Variants in ALMS1 observed in about 807,000 individuals in gnomAD.
The protein encoded by ALMS1 is ALMS1 centrosome and basal body associated protein.
ALMS1 carries 271 observed loss-of-function variants against 352.2 expected under a neutral mutation model. The ratio of observed to expected loss-of-function variants is 0.77; its 90% CI spans 0.70 to 0.85. ALMS1 has a LOEUF of 0.85. ALMS1 is among the 40% of genes least tolerant of loss of function. ALMS1 has a pLI of 0.00. For synonymous variants in ALMS1, 1,865 were observed against 1,761.2 expected (o/e 1.06, Z -1.48); for missense variants, 5,445 against 4,870.7 (o/e 1.12, Z -3.51).
chr2:73,431,353 AAG>A (rs1244307688), intron 6 of ALMS1, among the ~76,000 whole-genome samples: 1 of 152,218 alleles, frequency 6.6e-6, no homozygotes, highest in African/African-American at 2.4e-5. Context: ...AAATTGATGA[AAG>A]AGGATAGAAA....
At chr2:73,470,017 C>T (rs1037724416) in intron 9 of ALMS1, 10 of 151,746 alleles carry the variant, frequency 6.6e-5, no homozygotes, top group African/African-American at 1.9e-4. Flanking sequence ...AGAAGACATA[C>T]CTGAAATTAT....
intron 12 of ALMS1, among the ~76,000 whole-genome samples, chr2:73,548,004 A>T (rs1278322569): frequency 6.6e-6 from 1 of 152,168 alleles, no homozygotes; most frequent in Non-Finnish European, 1.5e-5. Flanking sequence ...GGCGTGAGCA[A>T]CTAGGTGAAT....
At chr2:73,484,689 C>T (rs934704084) in intron 9 of ALMS1, among the ~76,000 whole-genome samples, 46 of 152,120 alleles carry the variant, frequency 3.0e-4, no homozygotes, top group African/African-American at 1.1e-3. Flanking sequence ...TGGTTCCATT[C>T]TCCCCATCAC....
rs752609388 is a variant in ALMS1, at chr2:73,451,605, C to G, written c.5078C>G (p.Pro1693Arg). The G allele has an allele frequency of 6.2e-7, 1 of 1,613,920 alleles. No individual in the cohort carries two copies. Among genetic ancestry groups the G allele is most frequent in the Non-Finnish European group, 8.5e-7 (1 of 1,179,988 alleles). Residue 1693 changes from proline (P) to arginine (R), a missense_variant, in exon 8 of 23, where the codon CCT becomes CGT. By Grantham distance (103) the Pro-to-Arg change is moderately radical. Coordinates refer to ENST00000613296, the MANE Select transcript of ALMS1 (RefSeq NM_001378454.1). ...HLPEEALKVPPVPGPDAQKTE... is the reference protein window; with the variant it reads ...HLPEEALKVPRVPGPDAQKTE... ...CCTGAAGAAGCTCTGAAAGTTCCAC[C>G]TGTTCCTGGACCAGATGCCCAGAAG...
chr2:73,405,289 T>C (rs1158077815), intron 1 of ALMS1, among the ~76,000 whole-genome samples: 1 of 152,112 alleles, frequency 6.6e-6, no homozygotes, highest in Non-Finnish European at 1.5e-5. Flanking sequence ...GATTTTCTTA[T>C]TTTTTCATGT....
At chr2:73,391,483 C>T (rs947848843) in intron 1 of ALMS1, among the ~76,000 whole-genome samples, 6 of 151,526 alleles carry the variant, frequency 4.0e-5, no homozygotes, top group Non-Finnish European at 8.8e-5. Context: ...TTAGTAGAGA[C>T]GGGGTTTCAC....
chr2:73,477,712 A>G (rs1672610939), intron 9 of ALMS1, among the ~76,000 whole-genome samples: 1 of 152,146 alleles, frequency 6.6e-6, no homozygotes, highest in Non-Finnish European at 1.5e-5. Flanking sequence ...ATTCTCAAGT[A>G]TTTAATTCTT....
chr2:73,483,413 T>A (rs946549682), intron 9 of ALMS1, among the ~76,000 whole-genome samples: 21 of 152,028 alleles, frequency 1.4e-4, no homozygotes, highest in African/African-American at 5.1e-4. Context: ...TGAGTTCTAG[T>A]TTGATTGCAC....
chr2:73,590,835 C>T (rs912280823), intron 16 of ALMS1, among the ~76,000 whole-genome samples: 1 of 151,886 alleles, frequency 6.6e-6, no homozygotes, highest in Non-Finnish European at 1.5e-5. Flanking sequence ...CGCACCACCA[C>T]GCCTGACTAA....
In ALMS1 at chr2:73,550,428, G is replaced by GA. The variant is rs1419499151; in HGVS notation, c.10073dup (p.Asn3358LysfsTer14). 1 of 1,613,960 alleles carries GA rather than the reference G, an allele frequency of 6.2e-7. No individual in the cohort carries two copies. Among genetic ancestry groups the GA allele is most frequent in the Non-Finnish European group, 8.5e-7 (1 of 1,179,976 alleles). ...AGTGGGAGAAAAACCCTTGCAGAAT[G>GA]AAAATGCAGGTAACTGGATTGGCTT... On this transcript the variant is annotated frameshift_variant, in exon 13 of 23. Coordinates refer to ENST00000613296, the MANE Select transcript of ALMS1 (RefSeq NM_001378454.1). LOFTEE classifies it high-confidence loss of function.
chr2:73,474,046 C>T (rs977179561), intron 9 of ALMS1, among the ~76,000 whole-genome samples: 1 of 151,942 alleles, frequency 6.6e-6, no homozygotes, highest in Non-Finnish European at 1.5e-5. Context: ...AGACCCACAC[C>T]ATGTCACATT....
At chr2:73,542,570 A>G (rs1674210806) in intron 12 of ALMS1, among the ~76,000 whole-genome samples, 1 of 152,202 alleles carries the variant, frequency 6.6e-6, no homozygotes, top group Non-Finnish European at 1.5e-5. Context: ...GAGGAACTCA[A>G]ATTGTCCCTG....
At chr2:73,522,656 A>T (rs1673709273) in intron 11 of ALMS1, among the ~76,000 whole-genome samples, 1 of 152,000 alleles carries the variant, frequency 6.6e-6, no homozygotes, top group African/African-American at 2.4e-5. Flanking sequence ...TTTAGTAGAG[A>T]TGGAGTTTCA....
intron 10 of ALMS1, among the ~76,000 whole-genome samples, chr2:73,497,886 A>G (rs1321412011): frequency 6.6e-6 from 1 of 151,884 alleles, no homozygotes; most frequent in African/African-American, 2.4e-5. Context: ...TTTTCTAGGT[A>G]TAGATTTCTT....
At chr2:73,559,455 C>T (rs1293915799) in intron 15 of ALMS1, among the ~76,000 whole-genome samples, 1 of 151,928 alleles carries the variant, frequency 6.6e-6, no homozygotes, top group Non-Finnish European at 1.5e-5. Context: ...CAGAGACAAC[C>T]TTAAAGGCCT....
At chr2:73,420,864 C>T (rs752785206) in intron 3 of ALMS1, among the ~76,000 whole-genome samples, 5 of 152,094 alleles carry the variant, frequency 3.3e-5, no homozygotes, top group African/African-American at 4.8e-5. Flanking sequence ...AATAGGCTCT[C>T]GCCAATGGCA....
At position 73,393,698 on chromosome 2, in the gene ALMS1, C is replaced by G. The variant is rs748896292; in HGVS notation, c.324+7506C>G. On this transcript the variant is annotated intron_variant, in intron 1 of 22. Coordinates refer to ENST00000613296, the MANE Select transcript of ALMS1 (RefSeq NM_001378454.1). ...CATTTGTTAAAGAGGCTGTTCTTTTCCCCATTGATTGGTCTTAGTACCCTT... is the reference window on the plus strand; with the variant it reads ...CATTTGTTAAAGAGGCTGTTCTTTTGCCCATTGATTGGTCTTAGTACCCTT... Among the ~76,000 whole-genome samples, 30 of 152,314 alleles carry G rather than the reference C, an allele frequency of 2.0e-4. No individual in the cohort carries two copies. The Middle Eastern group carries it at 0.017, about 86-fold the overall frequency.
chr2:73,421,279 C>T (rs1032669434), intron 3 of ALMS1, among the ~76,000 whole-genome samples: 1 of 152,154 alleles, frequency 6.6e-6, no homozygotes, highest in Non-Finnish European at 1.5e-5. Flanking sequence ...TTAGGGTTAA[C>T]TCTAATTTTT....
chr2:73,447,417 CA>C (rs1304609576), intron 7 of ALMS1, among the ~76,000 whole-genome samples: 1 of 152,008 alleles, frequency 6.6e-6, no homozygotes, highest in East Asian at 1.9e-4. Flanking sequence ...ATATATTATA[CA>C]GGGTGCATTT....
Sources: gnomAD v4.1 joint callset for allele counts (sites outside exome capture counted in the v4.1 genomes callset) on GRCh38, gnomAD v4.1.1 for gene constraint, MANE v1.5 for transcripts, NCBI Gene and HGNC (gene_info 2026-07-23, HGNC 2026-07-21) for gene names.